The following CNTN1 variants were observed in gnomAD, a reference collection of about 807,000 sequenced individuals.
CNTN1 encodes the protein contactin-1.
A neutral mutation model predicts 126.4 loss-of-function variants in CNTN1; 38 were observed. That is an observed-to-expected ratio of 0.30 (90% CI 0.23 to 0.39). The LOEUF is 0.39. Among genes scored for constraint, CNTN1 ranks in the 10% least tolerant of loss-of-function variants. The pLI is 1.00. For missense variants in CNTN1, 1,009 were observed against 1,248.4 expected, an observed-to-expected ratio of 0.81 and a Z score of 2.89; for synonymous variants, 413 against 422.6, an observed-to-expected ratio of 0.98 and a Z score of 0.28.
Position 40,790,717 on chromosome 12 carries a change from C to A in CNTN1, c.-77+98125C>A, listed in dbSNP as rs373626353. On this transcript the variant is annotated intron_variant, in intron 1 of 23. Transcript: ENST00000551295. ...GAATTTTCTGTCCACATCTCCTGTCCCACCGCCAACCAACACAAGAAAGGC... is the reference window on the plus strand; with the variant it reads ...GAATTTTCTGTCCACATCTCCTGTCACACCGCCAACCAACACAAGAAAGGC... Among the ~76,000 whole-genome samples the A allele has an allele frequency of 1.5e-3, 224 of 152,192 alleles. 5 individuals carry two copies. The South Asian group carries it at 0.044, about 30-fold the overall frequency.
intron 1 of CNTN1, among the ~76,000 whole-genome samples, chr12:40,839,504 A>C (rs763597680): frequency 6.6e-6 from 1 of 152,216 alleles, no homozygotes; most frequent in Non-Finnish European, 1.5e-5. Flanking sequence ...GCTATAGATA[A>C]AAAGCCAATC....
intron 12 of CNTN1, among the ~76,000 whole-genome samples, chr12:40,942,422 T>G (rs974540568): frequency 6.6e-6 from 1 of 152,138 alleles, no homozygotes; most frequent in African/African-American, 2.4e-5. Context: ...TGGACTGCAC[T>G]GCACTTCTAA....
intron 1 of CNTN1, among the ~76,000 whole-genome samples, chr12:40,848,621 T>A (rs1942603532): frequency 6.6e-6 from 1 of 152,142 alleles, no homozygotes; most frequent in African/African-American, 2.4e-5. Context: ...ATAGATGTAA[T>A]AAAATGAAGG....
chr12:40,949,279 GTTTC>G (rs1471254205), intron 14 of CNTN1, among the ~76,000 whole-genome samples: 2 of 146,804 alleles, frequency 1.4e-5, no homozygotes, highest in Non-Finnish European at 3.0e-5. Flanking sequence ...AGAAAGAAAG[GTTTC>G]TTTTTTTATA....
intron 1 of CNTN1, among the ~76,000 whole-genome samples, chr12:40,888,694 G>A (rs765139943): frequency 2.0e-5 from 3 of 152,218 alleles, no homozygotes; most frequent in Non-Finnish European, 4.4e-5. Flanking sequence ...AAATACTGGG[G>A]AAAGATAGCT....
chr12:40,738,998 AACCTTGGGTGCAC>A (rs1937818070), intron 1 of CNTN1, among the ~76,000 whole-genome samples: 1 of 152,044 alleles, frequency 6.6e-6, no homozygotes, highest in Non-Finnish European at 1.5e-5. Context: ...AGTGGTTCTT[AACCTTGGGTGCAC>A]ATGACAGTCA....
chr12:41,068,528 C>T (rs1219367099), intron 23 of CNTN1, among the ~76,000 whole-genome samples: 1 of 151,976 alleles, frequency 6.6e-6, no homozygotes, highest in Admixed American at 6.6e-5. Context: ...CCAAAAGCCC[C>T]AGGCAGGGCA....
intron 1 of CNTN1, among the ~76,000 whole-genome samples, chr12:40,880,404 G>A (rs1029522448): frequency 3.9e-5 from 6 of 152,004 alleles, no homozygotes; most frequent in Admixed American, 2.0e-4. Context: ...CTGAGTAAAT[G>A]GTTATAAAGA....
chr12:41,028,814 CA>C (rs1473434490), intron 22 of CNTN1, among the ~76,000 whole-genome samples: 1 of 152,032 alleles, frequency 6.6e-6, no homozygotes, highest in African/African-American at 2.4e-5. Flanking sequence ...TGGGTCATCT[CA>C]AAAAATAAAA....
intron 1 of CNTN1, chr12:40,828,017 C>CG (rs906601415): frequency 1.5e-4 from 23 of 151,986 alleles, no homozygotes; most frequent in African/African-American, 5.1e-4. Context: ...TCGGGCCAGC[C>CG]GAATTTGGAA....
intron 1 of CNTN1, among the ~76,000 whole-genome samples, chr12:40,752,892 A>G (rs955486522): frequency 6.6e-5 from 10 of 152,128 alleles, no homozygotes; most frequent in African/African-American, 1.9e-4. Flanking sequence ...TCATTCAATC[A>G]ATTTATGTTA....
At chr12:40,906,248 G>A (rs961019711) in intron 1 of CNTN1, among the ~76,000 whole-genome samples, 2 of 152,078 alleles carry the variant, frequency 1.3e-5, no homozygotes, top group African/African-American at 4.8e-5. Context: ...TCCAGACTGG[G>A]CGACAGAGAG....
At position 40,837,368 on chromosome 12, in the gene CNTN1, T is replaced by A. The variant is rs1176722243; in HGVS notation, c.-76-70989T>A. Among the ~76,000 whole-genome samples the A allele has an allele frequency of 3.9e-5, 6 of 151,932 alleles. No individual in the cohort carries two copies. The East Asian group carries it at 1.2e-3, about 29-fold the overall frequency. ...CCCAGAATCAGCTGGAAGCTGGGAG[T>A]GACTTCCCAGCCCAGGGATTAGGTG... On this transcript the variant is annotated intron_variant, in intron 1 of 23. Coordinates refer to ENST00000551295, the MANE Select transcript of CNTN1 (RefSeq NM_001843.4).
intron 1 of CNTN1, among the ~76,000 whole-genome samples, chr12:40,887,695 C>T (rs1944092002): frequency 6.6e-6 from 1 of 151,858 alleles, no homozygotes; most frequent in Non-Finnish European, 1.5e-5. Context: ...AATCATGCTG[C>T]TATAAAGACA....
chr12:40,753,828 G>A (rs1386236008), intron 1 of CNTN1, among the ~76,000 whole-genome samples: 1 of 152,014 alleles, frequency 6.6e-6, no homozygotes, highest in African/African-American at 2.4e-5. Context: ...ACATAGATTT[G>A]ACAGTGTCTG....
At chr12:41,043,808 A>G (rs1367493387) in intron 23 of CNTN1, among the ~76,000 whole-genome samples, 2 of 151,350 alleles carry the variant, frequency 1.3e-5, no homozygotes, top group African/African-American at 4.9e-5. Flanking sequence ...ACCATGGAAT[A>G]CTATGCAGCC....
chr12:41,062,409 C>T (rs1949954686), intron 23 of CNTN1, among the ~76,000 whole-genome samples: 1 of 152,240 alleles, frequency 6.6e-6, no homozygotes, highest in African/African-American at 2.4e-5. Context: ...CAGGCAAGTA[C>T]AACTTTTCTA....
chr12:40,979,309 C>T (rs899723892), intron 15 of CNTN1: 36 of 152,076 alleles, frequency 2.4e-4, no homozygotes, highest in Admixed American at 1.4e-3. Flanking sequence ...TCTGCACACA[C>T]TTTCTTTCTT....
chr12:40,956,657 A>T (rs537502172), intron 14 of CNTN1, among the ~76,000 whole-genome samples: 1 of 152,172 alleles, frequency 6.6e-6, no homozygotes, highest in South Asian at 2.1e-4. Flanking sequence ...GCAGAGTGTG[A>T]GTGAGATGGC....
Sources: allele counts gnomAD v4.1 joint callset (sites outside exome capture counted in the v4.1 genomes callset), GRCh38; gene constraint gnomAD v4.1.1; transcripts MANE v1.5; gene names NCBI Gene and HGNC (gene_info 2026-07-23, HGNC 2026-07-21).